The following TOP1 variants were observed in gnomAD, a reference collection of about 807,000 sequenced individuals.
TOP1 encodes the protein DNA topoisomerase 1.
TOP1 carries 10 observed loss-of-function variants against 111.1 expected under a neutral mutation model. That is an observed-to-expected ratio of 0.09 (90% CI 0.06 to 0.15). TOP1 has a LOEUF of 0.15. Among genes scored for constraint, TOP1 ranks in the 10% least tolerant of loss-of-function variants. The probability of loss-of-function intolerance (pLI) is 1.00; values close to 1 mark genes in which losing one functional copy is unlikely to be tolerated. For synonymous variants in TOP1, 271 were observed against 302.9 expected, an observed-to-expected ratio of 0.89 and a Z score of 1.10; for missense variants, 474 against 926.7, an observed-to-expected ratio of 0.51 and a Z score of 6.34.
chr20:41,043,574 A>G (rs1036424249), intron 2 of TOP1, among the ~76,000 whole-genome samples: 59 of 152,218 alleles, frequency 3.9e-4, no homozygotes, highest in African/African-American at 1.3e-3. Context: ...GTCAATGAGA[A>G]TTGTCTAGAC....
chr20:41,065,937 T>C (rs2033601246), intron 3 of TOP1, among the ~76,000 whole-genome samples: 1 of 152,148 alleles, frequency 6.6e-6, no homozygotes, highest in South Asian at 2.1e-4. Context: ...GCCTGCTATG[T>C]TTTTACTGTG....
chr20:41,123,305 C>T lies in TOP1; in HGVS notation c.*8C>T. ...GAAGACTATGAGTTTTAGCCAGTCTCAAGAGGCAGAGTTCTGTGAAGAGGA... is the reference window on the plus strand; with the variant it reads ...GAAGACTATGAGTTTTAGCCAGTCTTAAGAGGCAGAGTTCTGTGAAGAGGA... On this transcript the variant is annotated 3_prime_UTR_variant, in exon 21 of 21. Coordinates refer to ENST00000361337, the MANE Select transcript of TOP1 (RefSeq NM_003286.4). The surrounding 1 kb of genome is among the most constrained non-coding windows in gnomAD (Gnocchi z 5.8). 1 of 1,597,166 alleles carries T rather than the reference C, an allele frequency of 6.3e-7. No individual in the cohort carries two copies. The highest frequency in any genetic ancestry group is 8.6e-7 in the Non-Finnish European group (1 of 1,164,784).
chr20:41,035,479 A>G (rs2033173561), intron 2 of TOP1, among the ~76,000 whole-genome samples: 1 of 152,194 alleles, frequency 6.6e-6, no homozygotes, highest in African/African-American at 2.4e-5. Context: ...AAGATGTTAA[A>G]GCAATCAGTA....
intron 2 of TOP1, among the ~76,000 whole-genome samples, chr20:41,036,847 T>TTC (rs2033193749): frequency 2.0e-5 from 3 of 150,484 alleles, no homozygotes; most frequent in African/African-American, 4.9e-5. Context: ...TTTTTTTTTT[T>TTC]TGAGATGGAG....
In TOP1 at chr20:41,041,692, A is replaced by T. The variant is rs117666119; in HGVS notation, c.58+12237A>T. Among the ~76,000 whole-genome samples, 899 of 152,274 alleles carry T rather than the reference A, an allele frequency of 5.9e-3. 7 individuals carry two copies. The highest frequency in any genetic ancestry group is 0.019 in the South Asian group (90 of 4,828). Reference sequence around the variant, plus strand: ...TCGTACACCTTGAAGTTGATTCTATAGTGGAAGGTACTGAAAATCTGCATT... The same window carrying T: ...TCGTACACCTTGAAGTTGATTCTATTGTGGAAGGTACTGAAAATCTGCATT... On this transcript the variant is annotated intron_variant, in intron 2 of 20. Coordinates refer to ENST00000361337, the MANE Select transcript of TOP1 (RefSeq NM_003286.4).
intron 2 of TOP1, among the ~76,000 whole-genome samples, chr20:41,039,943 C>T (rs916577974): frequency 1.3e-5 from 2 of 152,126 alleles, no homozygotes; most frequent in African/African-American, 4.8e-5. Context: ...ATTTCCTGAG[C>T]AGGTAGGTTG....
rs1369549084 is a variant in TOP1 at position 41,079,292 on chromosome 20, G to A, written c.336-793G>A. The stretch of plus-strand genomic sequence containing the variant: ...TAAGGCAGTGAGGTTCTGAAGAGAT[G>A]TGCCAGGCCAGGGAGCATCCCATGG... On this transcript the variant is annotated intron_variant, in intron 5 of 20. Transcript: ENST00000361337. This position sits in a 1 kb window ranked among gnomAD's most constrained non-coding sequence, Gnocchi z 4.0. Among the ~76,000 whole-genome samples the A allele has an allele frequency of 6.6e-6, 1 of 152,220 alleles. No homozygotes were observed. Among genetic ancestry groups the A allele is most frequent in the African/African-American group, 2.4e-5 (1 of 41,460 alleles).
chr20:41,036,025 T>C (rs12625035), intron 2 of TOP1, among the ~76,000 whole-genome samples: 26,993 of 152,218 alleles, frequency 0.18, 3,316 homozygotes, highest in East Asian at 0.68. Context: ...TGAAAACTTA[T>C]TAGGCACCAC....
In TOP1 at chr20:41,115,264, C is replaced by CAT; in HGVS notation, c.1639-107_1639-106insAT. On this transcript the variant is annotated intron_variant, in intron 15 of 20. Coordinates refer to ENST00000361337, the MANE Select transcript of TOP1 (RefSeq NM_003286.4). This position sits in a 1 kb window ranked among gnomAD's most constrained non-coding sequence, Gnocchi z 6.3. ...AGTGAATCTCGGTGACGGATGTATG[C>CAT]GTGTTCCTTGTGCCTTTTTCTTTGC... is the stretch of plus-strand genomic sequence containing the variant. The CAT allele has an allele frequency of 4.3e-6, 3 of 700,096 alleles. No homozygotes were observed. Among genetic ancestry groups the CAT allele is most frequent in the Non-Finnish European group, 7.4e-6 (3 of 403,556 alleles). 43.4% of individuals were successfully genotyped at this position (700,096 alleles called of 1,614,324 possible). A position where few individuals can be genotyped will look rare whatever the true frequency, so the allele number is the denominator to read the frequency against.
chr20:41,066,274 A>C (rs887183387), intron 3 of TOP1, among the ~76,000 whole-genome samples: 2 of 150,860 alleles, frequency 1.3e-5, no homozygotes, highest in African/African-American at 2.4e-5. Flanking sequence ...AAGGGATGTG[A>C]TTTTTTTAGA....
At chr20:41,113,169 A>C (rs1267825848) in intron 14 of TOP1, among the ~76,000 whole-genome samples, 1 of 152,242 alleles carries the variant, frequency 6.6e-6, no homozygotes, top group Non-Finnish European at 1.5e-5. Flanking sequence ...AATTGTTTAA[A>C]TAAACCATGC....
At chr20:41,038,530 C>T (rs1000737226) in intron 2 of TOP1, among the ~76,000 whole-genome samples, 1 of 152,078 alleles carries the variant, frequency 6.6e-6, no homozygotes, top group Non-Finnish European at 1.5e-5. Context: ...CTGGAGGGGT[C>T]ACTAGGGAGC....
chr20:41,053,419 G>A (rs886667399), intron 2 of TOP1, among the ~76,000 whole-genome samples: 1 of 152,112 alleles, frequency 6.6e-6, no homozygotes, highest in Non-Finnish European at 1.5e-5. Flanking sequence ...TTTGAAACAA[G>A]GAGGCAGTTA....
At chr20:41,045,546 A>G (rs1371965512) in intron 2 of TOP1, among the ~76,000 whole-genome samples, 1 of 152,178 alleles carries the variant, frequency 6.6e-6, no homozygotes, top group Non-Finnish European at 1.5e-5. Context: ...CAGCAACCCT[A>G]TGAGGTAGGT....
Position 41,029,286 on chromosome 20 carries a change from G to A in TOP1, c.34-145G>A, listed in dbSNP as rs934736042. 6 of 798,878 alleles carry A rather than the reference G, an allele frequency of 7.5e-6. No individual in the cohort carries two copies. In the Admixed American group the frequency reaches 2.3e-4, roughly 30 times the overall value. The allele number at this position is 798,878 out of a possible 1,614,324, so 49.5% of individuals were successfully genotyped here. On this transcript the variant is annotated intron_variant, in intron 1 of 20. Transcript: ENST00000361337. The surrounding 1 kb of genome is among the most constrained non-coding windows in gnomAD (Gnocchi z 6.1). ...CGAGGGCCGCGAAGTTACAGTTCGA[G>A]GCAGGGATGGCTGCCCTCTGTGGCC...
Position 41,092,442 on chromosome 20 carries a change from C to T in TOP1, c.615-30C>T. 1 of 1,162,250 alleles carries T rather than the reference C, an allele frequency of 8.6e-7. No homozygotes were observed. The highest frequency in any genetic ancestry group is 1.2e-6 in the Non-Finnish European group (1 of 808,560). The allele number at this position is 1,162,250 out of a possible 1,614,324, so 72.0% of individuals were successfully genotyped here. A position where few individuals can be genotyped will look rare whatever the true frequency, so the allele number is the denominator to read the frequency against. ...ATCCCCATGTTAGACAAGGCGATCA[C>T]TAAATGAGGCTGTGCTTTGTCTTTT... is the stretch of plus-strand genomic sequence containing the variant. On this transcript the variant is annotated intron_variant, in intron 8 of 20. Coordinates refer to ENST00000361337, the MANE Select transcript of TOP1 (RefSeq NM_003286.4). The surrounding 1 kb of genome is among the most constrained non-coding windows in gnomAD (Gnocchi z 4.3).
Position 41,081,111 on chromosome 20 carries a change from G to A in TOP1, c.432-54G>A, listed in dbSNP as rs187997794. ...AAGAGTTTGTAGGTCTCCTATGAGT[G>A]AGAACTCCTGAATCATAATTATGTT... On this transcript the variant is annotated intron_variant, in intron 6 of 20. Coordinates refer to ENST00000361337, the MANE Select transcript of TOP1 (RefSeq NM_003286.4). 6.5e-6 allele frequency: 10 copies of A among 1,533,772 alleles called. No homozygotes were observed. In the Admixed American group the frequency reaches 2.0e-4, roughly 31 times the overall value.
Position 41,123,808 on chromosome 20 carries a change from A to C in TOP1, c.*511A>C, listed in dbSNP as rs756686216. On this transcript the variant is annotated 3_prime_UTR_variant, in exon 21 of 21. Transcript: ENST00000361337. This position sits in a 1 kb window ranked among gnomAD's most constrained non-coding sequence, Gnocchi z 5.8. Reference sequence around the variant, plus strand: ...GCACCTGTTAGAGTCGTCACTCTCTATTGTCATGGGGATCAATTTTCATTA... The same window carrying C: ...GCACCTGTTAGAGTCGTCACTCTCTCTTGTCATGGGGATCAATTTTCATTA... 4.3e-6 allele frequency: 1 copy of C among 232,428 alleles called. No homozygotes were observed. Among genetic ancestry groups the C allele is most frequent in the Non-Finnish European group, 8.5e-6 (1 of 117,464 alleles). The allele number at this position is 232,428 out of a possible 1,614,324, so 14.4% of individuals were successfully genotyped here.
rs543851126 is a variant in TOP1 at position 41,076,781 on chromosome 20, T to G, written c.279+487T>G. Among the ~76,000 whole-genome samples, 104 of 152,260 alleles carry G rather than the reference T, an allele frequency of 6.8e-4. 1 individual carries two copies. Among genetic ancestry groups the G allele is most frequent in the African/African-American group, 2.2e-3 (93 of 41,534 alleles). On this transcript the variant is annotated intron_variant, in intron 4 of 20. Coordinates refer to ENST00000361337, the MANE Select transcript of TOP1 (RefSeq NM_003286.4). ...TTTATTTTAGCTTTGAAAAAGTAAT[T>G]TTTGTACTTGGTAAATTCAGATACT...
Sources: gnomAD v4.1 joint callset for allele counts (sites outside exome capture counted in the v4.1 genomes callset) on GRCh38, gnomAD v4.1.1 for gene constraint, Gnocchi (gnomAD v3.1) non-coding constraint, MANE v1.5 for transcripts, NCBI Gene and HGNC (gene_info 2026-07-23, HGNC 2026-07-21) for gene names.